The following HPGD variants were observed in gnomAD, a reference collection of about 807,000 sequenced individuals.
The protein encoded by HPGD is 15-hydroxyprostaglandin dehydrogenase, also known as 15-hydroxyprostaglandin dehydrogenase [NAD(+)].
A neutral mutation model predicts 30.0 loss-of-function variants in HPGD; 29 were observed. The ratio of observed to expected loss-of-function variants is 0.97; its 90% confidence interval spans 0.72 to 1.32. HPGD has a LOEUF of 1.32. Ranked by LOEUF, HPGD falls within the 40% of genes most tolerant of loss-of-function variation. The pLI is 0.00. For missense variants in HPGD, 340 were observed against 322.1 expected (o/e 1.06, Z -0.43); for synonymous variants, 99 against 112.4 (o/e 0.88, Z 0.75).
At chr4:174,522,562 G>C, upstream of HPGD, 1 of 694,244 alleles carries the variant, frequency 1.4e-6, no homozygotes, top group Non-Finnish European at 2.2e-6. Context: ...GCGCTCCCCT[G>C]CCAGTGGGCG....
intron 4 of HPGD, among the ~76,000 whole-genome samples, chr4:174,503,939 G>T (rs1735045667): frequency 6.6e-6 from 1 of 152,132 alleles, no homozygotes; most frequent in African/African-American, 2.4e-5. Flanking sequence ...GCCCATGCTG[G>T]TCTCTAACTC....
chr4:174,518,503 T>C (rs1206549150), intron 2 of HPGD, among the ~76,000 whole-genome samples: 1 of 152,222 alleles, frequency 6.6e-6, no homozygotes, highest in African/African-American at 2.4e-5. Context: ...GCTTAGACTA[T>C]TGGTAAACAT....
intron 5 of HPGD, 108 bp from the exon 6 acceptor site, chr4:174,493,422 G>T: frequency 1.0e-6 from 1 of 989,914 alleles, no homozygotes. Context: ...ATACTAATTA[G>T]ATATCCTCCC....
intron 3 of HPGD, among the ~76,000 whole-genome samples, chr4:174,513,460 A>ATTTT (rs369816777): frequency 1.4e-5 from 2 of 147,476 alleles, no homozygotes; most frequent in African/African-American, 2.5e-5. Context: ...TAAAATGCAT[A>ATTTT]TTTTTTTTTT....
At chr4:174,497,594 T>TTTTTTTTTTTTTTTTTTTAAAAA in intron 4 of HPGD, among the ~76,000 whole-genome samples, 1 of 115,944 alleles carries the variant, frequency 8.6e-6, no homozygotes, top group African/African-American at 3.4e-5. Flanking sequence ...TTTTTTTTTT[T>TTTTTTTTTTTTTTTTTTTAAAAA]TTGAGACAGA....
rs746016395 is a variant in HPGD, at chr4:174,508,682, A to G, written c.421+14T>C. 1 of 1,438,870 alleles carries G rather than the reference A, an allele frequency of 6.9e-7. No homozygotes were observed. Among genetic ancestry groups the G allele is most frequent in the South Asian group, 1.1e-5 (1 of 87,484 alleles). 89.1% of individuals were successfully genotyped at this position (1,438,870 alleles called of 1,614,324 possible). On this transcript the variant is annotated intron_variant, in intron 4 of 6. Transcript: ENST00000296522. ...GTAAGAAAATGTTACATTTAATGTA[A>G]TAATTGCCCTTACCTGCTAAAGATG... is the stretch of plus-strand genomic sequence containing the variant.
Position 174,522,114 on chromosome 4 carries a change from T to C in HPGD, c.94-47A>G. ...TCGCGGGCCTGCGCAGCTCACGAAA[T>C]AGACGGACAAACAATAAACACACAA... On this transcript the variant is annotated intron_variant, in intron 1 of 6. Coordinates refer to ENST00000296522, the MANE Select transcript of HPGD (RefSeq NM_000860.6). 1.9e-6 allele frequency: 3 copies of C among 1,613,578 alleles called. No individual in the cohort carries two copies. The South Asian group carries it at 3.3e-5, about 18-fold the overall frequency.
At chr4:174,511,074 A>T (rs1307004909) in intron 3 of HPGD, among the ~76,000 whole-genome samples, 1 of 152,208 alleles carries the variant, frequency 6.6e-6, no homozygotes, top group African/African-American at 2.4e-5. Flanking sequence ...TAGGGAGTTT[A>T]CCTTCCTCCC....
chr4:174,514,140 T>G (rs1390914222), intron 3 of HPGD, among the ~76,000 whole-genome samples: 4 of 152,116 alleles, frequency 2.6e-5, no homozygotes, highest in Admixed American at 6.6e-5. Context: ...TTAAAAAAAT[T>G]CAATGGTATA....
rs1245669687 is a variant in HPGD at position 174,491,137 on chromosome 4, A to G, written c.*819T>C. ...ACTTTTGAAATTTGGACAAGTCAAT[A>G]AAGAAGTAATTTGAAAAAAATATTA... On this transcript the variant is annotated 3_prime_UTR_variant, in exon 7 of 7. Transcript: ENST00000296522. 2 of 152,672 alleles carry G rather than the reference A, an allele frequency of 1.3e-5. No individual in the cohort carries two copies. Among genetic ancestry groups the G allele is most frequent in the African/African-American group, 4.8e-5 (2 of 41,450 alleles). 9.5% of individuals were successfully genotyped at this position (152,672 alleles called of 1,614,324 possible).
intron 2 of HPGD, among the ~76,000 whole-genome samples, chr4:174,520,789 G>A (rs1018956235): frequency 1.2e-4 from 18 of 152,166 alleles, no homozygotes; most frequent in African/African-American, 4.3e-4. Context: ...AATATCATGT[G>A]CAATCAACAT....
intron 4 of HPGD, chr4:174,507,101 T>G (rs1223368457): frequency 6.6e-6 from 1 of 152,222 alleles, no homozygotes; most frequent in Non-Finnish European, 1.5e-5. Flanking sequence ...TAGATTTAGC[T>G]TTGCCAATTT....
Position 174,522,006 on chromosome 4 carries a change from T to G in HPGD, c.155A>C (p.Gln52Pro), listed in dbSNP as rs779554085. The change falls in exon 2 of 7, where the codon CAG becomes CCG. Residue 52 changes from glutamine (Q) to proline (P), a missense_variant. Coordinates refer to ENST00000296522, the MANE Select transcript of HPGD (RefSeq NM_000860.6). ...GAACAGAGTCTTCTGAGGTTCAAAC[T>G]GCTCATCCAGGGCAGCTTTACACTG... ...GVQCKAALDE[Q>P]FEPQKTLFIQ... The G allele has an allele frequency of 1.9e-6, 3 of 1,614,196 alleles. No individual in the cohort carries two copies. The South Asian group carries it at 3.3e-5, about 18-fold the overall frequency.
chr4:174,505,266 C>T (rs555463950), intron 4 of HPGD, among the ~76,000 whole-genome samples: 55 of 152,292 alleles, frequency 3.6e-4, no homozygotes, highest in Non-Finnish European at 5.6e-4. Context: ...ACTGTATCCA[C>T]GCTAGAGATC....
intron 3 of HPGD, among the ~76,000 whole-genome samples, chr4:174,516,070 G>A (rs1308409945): frequency 6.6e-6 from 1 of 152,260 alleles, no homozygotes; most frequent in East Asian, 1.9e-4. Flanking sequence ...AGACACCATG[G>A]AAAGCATTTT....
Position 174,491,332 on chromosome 4 carries a change from T to A in HPGD, c.*624A>T, listed in dbSNP as rs1360666551. ...GTCTTTCCCAGATAGGAGGCTGAAC[T>A]GTGAATCAACAGTGTCAATCAGTTA... On this transcript the variant is annotated 3_prime_UTR_variant, in exon 7 of 7. Transcript: ENST00000296522. 6.5e-6 allele frequency: 1 copy of A among 152,742 alleles called. No homozygotes were observed. Among genetic ancestry groups the A allele is most frequent in the East Asian group, 1.9e-4 (1 of 5,346 alleles). 9.5% of individuals were successfully genotyped at this position (152,742 alleles called of 1,614,324 possible).
intron 3 of HPGD, 86 bp from the exon 4 acceptor site, chr4:174,508,878 A>G: frequency 1.3e-6 from 1 of 784,232 alleles, no homozygotes; most frequent in South Asian, 1.3e-5. Flanking sequence ...TAGCTATTCC[A>G]GATACCTAGG....
chr4:174,515,684 T>G (rs1337765312), intron 3 of HPGD, among the ~76,000 whole-genome samples: 2 of 151,862 alleles, frequency 1.3e-5, no homozygotes. Flanking sequence ...AGTAAGCAGA[T>G]AACCTACAGA....
In HPGD at chr4:174,514,866, C is replaced by T. The variant is rs146516317; in HGVS notation, c.324+3105G>A. On this transcript the variant is annotated intron_variant, in intron 3 of 6. Coordinates refer to ENST00000296522, the MANE Select transcript of HPGD (RefSeq NM_000860.6). ...CAAAAATCAGTAATGTTTCCAAACA[C>T]CAATAATGTCCAAGCTAAGAGGCAA... Among the ~76,000 whole-genome samples, 3 of 152,122 alleles carry T rather than the reference C, an allele frequency of 2.0e-5. No homozygotes were observed. The East Asian group carries it at 5.8e-4, about 29-fold the overall frequency.
Sources: allele counts gnomAD v4.1 joint callset (sites outside exome capture counted in the v4.1 genomes callset), GRCh38; gene constraint gnomAD v4.1.1; transcripts MANE v1.5; gene names NCBI Gene and HGNC (gene_info 2026-07-23, HGNC 2026-07-21).